UGT1A9: variants seen among roughly 807,000 people sequenced by gnomAD.
The protein encoded by UGT1A9 is UDP glucuronosyltransferase family 1 member A9.
In UGT1A9, 35 loss-of-function variants were observed where a neutral mutation model predicts 45.0. The ratio of observed to expected loss-of-function variants is 0.78; its 90% CI spans 0.59 to 1.03. UGT1A9 has a LOEUF of 1.03. Ranked by LOEUF, UGT1A9 falls within the 50% of genes least tolerant of loss-of-function variation. The probability of loss-of-function intolerance (pLI) is 0.00; values close to 1 mark genes in which losing one functional copy is unlikely to be tolerated. For missense variants in UGT1A9, 687 were observed against 666.6 expected (o/e 1.03, Z -0.34); for synonymous variants, 278 against 250.6 (o/e 1.11, Z -1.03).
At chr2:233,743,013 C>T (rs1054809) in intron 1 of UGT1A9, 1 of 235,812 alleles carries the variant, frequency 4.2e-6, no homozygotes, top group Non-Finnish European at 8.4e-6. Context: ...TATTTTACAA[C>T]GATTGAAAGA....
chr2:233,697,105 G>T (rs895107296), intron 1 of UGT1A9, among the ~76,000 whole-genome samples: 9 of 152,066 alleles, frequency 5.9e-5, no homozygotes, highest in Non-Finnish European at 1.3e-4. Context: ...GATGAGTTTG[G>T]AAGTATTCTC....
chr2:233,753,502 C>A (rs1316574897), intron 1 of UGT1A9: 1 of 152,214 alleles, frequency 6.6e-6, no homozygotes, highest in East Asian at 1.9e-4. Context: ...TTTTTTCAGC[C>A]TGTCTAGTTG....
At chr2:233,754,637 G>C (rs1695540827) in intron 1 of UGT1A9, 2 of 446,646 alleles carry the variant, frequency 4.5e-6, no homozygotes, top group African/African-American at 4.1e-5. Context: ...CCCTTTCTTG[G>C]CCATTCTCAA....
rs773318792 is a variant in UGT1A9 at position 233,769,599 on chromosome 2, C to T, written c.1295+1160C>T. 17 of 1,612,664 alleles carry T rather than the reference C, an allele frequency of 1.1e-5. No individual in the cohort carries two copies. Among genetic ancestry groups the T allele is most frequent in the South Asian group, 2.2e-5 (2 of 91,048 alleles). ...TGTTCAGATGAGAGGAGACGGAACACGGGGACACACCAGCTTGAGCAAGGG... is the reference window on the plus strand; with the variant it reads ...TGTTCAGATGAGAGGAGACGGAACATGGGGACACACCAGCTTGAGCAAGGG... On this transcript the variant is annotated intron_variant, in intron 4 of 4. Coordinates refer to ENST00000354728, the MANE Select transcript of UGT1A9 (RefSeq NM_021027.3). The surrounding 1 kb of genome is among the most constrained non-coding windows in gnomAD (Gnocchi z 4.4).
Position 233,743,631 on chromosome 2 carries a change from G to T in UGT1A9, c.856-23403G>T, listed in dbSNP as rs1346320649. Reference sequence around the variant, plus strand: ...AAGAACTCCCTGAAGACGTCGGCTGGGTCGCGGAAGCTGAAGACGTACTCG... The same window carrying T: ...AAGAACTCCCTGAAGACGTCGGCTGTGTCGCGGAAGCTGAAGACGTACTCG... On this transcript the variant is annotated intron_variant, in intron 1 of 4. Transcript: ENST00000354728. The T allele has an allele frequency of 2.2e-6, 3 of 1,367,310 alleles. No homozygotes were observed. The East Asian group carries it at 1.4e-4, about 62-fold the overall frequency. 84.7% of individuals were successfully genotyped at this position (1,367,310 alleles called of 1,614,324 possible).
chr2:233,736,477 G>T (rs565407070), intron 1 of UGT1A9, among the ~76,000 whole-genome samples: 1 of 152,272 alleles, frequency 6.6e-6, no homozygotes, highest in East Asian at 1.9e-4. Context: ...GCTTGGAGAG[G>T]TTTGTTACTA....
At chr2:233,733,541 C>T (rs1172335855) in intron 1 of UGT1A9, among the ~76,000 whole-genome samples, 2 of 152,150 alleles carry the variant, frequency 1.3e-5, no homozygotes, top group Non-Finnish European at 2.9e-5. Context: ...TTGTTGAAGG[C>T]CTTTTCTGCA....
Position 233,760,681 on chromosome 2 carries a change from C to A in UGT1A9, c.856-6353C>A, listed in dbSNP as rs769242961. The A allele has an allele frequency of 2.5e-6, 4 of 1,614,246 alleles. No homozygotes were observed. In the South Asian group the frequency reaches 4.4e-5, roughly 18 times the overall value. On this transcript the variant is annotated intron_variant, in intron 1 of 4. Transcript: ENST00000354728. ...TTTGTCTGGCTGTTCCCACTTACTG[C>A]ACAACAAGGAGCTCATGGCCTCCCT... is the stretch of plus-strand genomic sequence containing the variant.
intron 1 of UGT1A9, chr2:233,755,261 G>C (rs1442150755): frequency 1.2e-6 from 1 of 807,566 alleles, no homozygotes; most frequent in African/African-American, 1.7e-5. Flanking sequence ...CCTCGTAGTA[G>C]TCCACTATGC....
chr2:233,725,753 T>G (rs2077473127), intron 1 of UGT1A9, among the ~76,000 whole-genome samples: 1 of 152,188 alleles, frequency 6.6e-6, no homozygotes, highest in Non-Finnish European at 1.5e-5. Flanking sequence ...GTAAGAGACT[T>G]ACATTTTCTT....
At chr2:233,716,813 G>C (rs1182670482) in intron 1 of UGT1A9, among the ~76,000 whole-genome samples, 1 of 152,094 alleles carries the variant, frequency 6.6e-6, no homozygotes, top group Admixed American at 6.6e-5. Context: ...GACGTTGCTG[G>C]GGTGACCTCA....
chr2:233,682,124 A>G (rs1157843682), intron 1 of UGT1A9: 2 of 1,614,078 alleles, frequency 1.2e-6, no homozygotes, highest in African/African-American at 1.3e-5. Context: ...GCCAGAGGTG[A>G]GTTGGCAACT....
At chr2:233,726,238 A>G (rs935075477) in intron 1 of UGT1A9, among the ~76,000 whole-genome samples, 11 of 152,220 alleles carry the variant, frequency 7.2e-5, no homozygotes, top group East Asian at 3.8e-4. Context: ...TAAAACTCCA[A>G]TATGAAAAGC....
chr2:233,674,521 C>T (rs531084653), intron 1 of UGT1A9, among the ~76,000 whole-genome samples: 5 of 152,202 alleles, frequency 3.3e-5, no homozygotes, highest in South Asian at 2.1e-4. Flanking sequence ...TGCCTCACAG[C>T]GTCACCCAGA....
At chr2:233,682,018 G>A in intron 1 of UGT1A9, 2 of 1,614,138 alleles carry the variant, frequency 1.2e-6, no homozygotes, top group Non-Finnish European at 1.7e-6. Context: ...AGGCAGGGAA[G>A]CTGCTGGTAG....
At chr2:233,696,570 G>A (rs2075349784) in intron 1 of UGT1A9, among the ~76,000 whole-genome samples, 1 of 151,964 alleles carries the variant, frequency 6.6e-6, no homozygotes, top group Non-Finnish European at 1.5e-5. Flanking sequence ...CTGAGAACAA[G>A]AATAATTTGA....
intron 1 of UGT1A9, chr2:233,743,004 A>G (rs1469348172): frequency 4.2e-6 from 1 of 237,384 alleles, no homozygotes; most frequent in Admixed American, 5.1e-5. Context: ...GCATACAGAT[A>G]TTTTACAACG....
Position 233,767,830 on chromosome 2 carries a change from C to A in UGT1A9, c.988-19C>A. 6.2e-7 allele frequency: 1 copy of A among 1,614,170 alleles called. No homozygotes were observed. The highest frequency in any genetic ancestry group is 8.5e-7 in the Non-Finnish European group (1 of 1,180,024). Reference sequence around the variant, plus strand: ...TATTATGTTCTTTCTTTACGTTCTGCTCTTTTTGCCCCTCCCAGGTCCTGT... The same window carrying A: ...TATTATGTTCTTTCTTTACGTTCTGATCTTTTTGCCCCTCCCAGGTCCTGT... On this transcript the variant is annotated intron_variant, in intron 2 of 4. Coordinates refer to ENST00000354728, the MANE Select transcript of UGT1A9 (RefSeq NM_021027.3).
intron 1 of UGT1A9, among the ~76,000 whole-genome samples, chr2:233,735,342 T>C (rs542444977): frequency 6.6e-6 from 1 of 152,338 alleles, no homozygotes; most frequent in South Asian, 2.1e-4. Context: ...CCCTGCTTTT[T>C]TTTTGCTTTC....
Sources: gnomAD v4.1 joint callset for allele counts (sites outside exome capture counted in the v4.1 genomes callset) on GRCh38, gnomAD v4.1.1 for gene constraint, Gnocchi (gnomAD v3.1) non-coding constraint, MANE v1.5 for transcripts, NCBI Gene and HGNC (gene_info 2026-07-23, HGNC 2026-07-21) for gene names.